The following NRG1 variants were observed in gnomAD, a reference collection of about 807,000 sequenced individuals.
NRG1 encodes the protein pro-neuregulin-1, membrane-bound isoform.
NRG1 carries 18 observed loss-of-function variants against 63.8 expected under a neutral mutation model. The ratio of observed to expected loss-of-function variants is 0.28; its 90% CI spans 0.19 to 0.42. The LOEUF (loss-of-function observed/expected upper bound fraction) is 0.42, where lower values mean the gene tolerates loss of function less well. Among genes scored for constraint, NRG1 ranks in the 10% least tolerant of loss-of-function variants. The pLI is 1.00. For missense variants in NRG1, 762 were observed against 814.7 expected (o/e 0.94, Z 0.79); for synonymous variants, 302 against 301.3 (o/e 1.00, Z -0.02).
chr8:32,461,512 A>G (rs1476169793), intron 1 of NRG1, among the ~76,000 whole-genome samples: 1 of 152,098 alleles, frequency 6.6e-6, no homozygotes, highest in African/African-American at 2.4e-5. Context: ...CAGCTTTGCC[A>G]ACATGGAGAA....
intron 5 of NRG1, among the ~76,000 whole-genome samples, chr8:32,673,128 C>A (rs148564697): frequency 6.6e-6 from 1 of 152,242 alleles, no homozygotes; most frequent in East Asian, 1.9e-4. Context: ...CACCACAAAG[C>A]GAGTTATTTT....
chr8:32,602,624 T>A (rs1844576083), intron 2 of NRG1, among the ~76,000 whole-genome samples: 1 of 152,160 alleles, frequency 6.6e-6, no homozygotes, highest in Non-Finnish European at 1.5e-5. Flanking sequence ...GTTTTCTTAC[T>A]TTAGAAATTT....
intron 1 of NRG1, among the ~76,000 whole-genome samples, chr8:32,021,714 C>G (rs75016101): frequency 5.3e-5 from 2 of 37,828 alleles, no homozygotes; most frequent in South Asian, 2.9e-3. Context: ...AAAAATGTAT[C>G]TATCAATCTT....
intron 1 of NRG1, among the ~76,000 whole-genome samples, chr8:32,284,485 GCCTGCCTTCCTTCCTTCCTTCCTT>G (rs1355339480): frequency 1.0e-4 from 12 of 116,046 alleles, no homozygotes; most frequent in Non-Finnish European, 1.6e-4. Context: ...CTCCCTGCCT[GCCTGCCTTCCTTCCTTCCTTCCTT>G]CCTTCCTTCC....
chr8:31,680,594 CA>C (rs1462398638), intron 1 of NRG1, among the ~76,000 whole-genome samples: 2 of 148,316 alleles, frequency 1.3e-5, no homozygotes, highest in African/African-American at 5.0e-5. Flanking sequence ...AGTGCCACAA[CA>C]AACATACGTG....
intron 1 of NRG1, among the ~76,000 whole-genome samples, chr8:32,490,509 G>A (rs145746654): frequency 6.6e-6 from 1 of 152,164 alleles, no homozygotes; most frequent in Non-Finnish European, 1.5e-5. Context: ...TCATGAAGTG[G>A]GTGATAGTTG....
intron 1 of NRG1, among the ~76,000 whole-genome samples, chr8:31,651,483 G>C (rs1053345135): frequency 6.6e-6 from 1 of 152,182 alleles, no homozygotes; most frequent in African/African-American, 2.4e-5. Context: ...TGCTGAAATG[G>C]ATGAGGTCAG....
chr8:32,320,543 G>A (rs1443412854), intron 1 of NRG1, among the ~76,000 whole-genome samples: 1 of 152,184 alleles, frequency 6.6e-6, no homozygotes, highest in Non-Finnish European at 1.5e-5. Context: ...AATGACTGAA[G>A]CAAGAGGAAG....
chr8:32,581,304 C>T (rs1411268907), intron 1 of NRG1, among the ~76,000 whole-genome samples: 2 of 152,134 alleles, frequency 1.3e-5, no homozygotes, highest in African/African-American at 2.4e-5. Context: ...GAATATAGAG[C>T]GTTCTAATGT....
intron 1 of NRG1, among the ~76,000 whole-genome samples, chr8:32,365,979 T>G (rs188047176): frequency 3.9e-5 from 6 of 152,334 alleles, no homozygotes; most frequent in African/African-American, 1.2e-4. Flanking sequence ...AGGCTGGGTA[T>G]GACACTAATT....
chr8:32,028,951 A>G (rs1308875397), intron 1 of NRG1, among the ~76,000 whole-genome samples: 1 of 152,154 alleles, frequency 6.6e-6, no homozygotes, highest in African/African-American at 2.4e-5. Context: ...TTGTAGCAGG[A>G]TTCATAATTT....
chr8:32,145,498 C>A (rs993831100), intron 1 of NRG1, among the ~76,000 whole-genome samples: 7 of 152,180 alleles, frequency 4.6e-5, no homozygotes, highest in Non-Finnish European at 8.8e-5. Context: ...TTCTGTGATG[C>A]CTGCTGGCCA....
At chr8:32,187,885 G>T (rs1366967297) in intron 1 of NRG1, among the ~76,000 whole-genome samples, 1 of 152,152 alleles carries the variant, frequency 6.6e-6, no homozygotes, top group East Asian at 1.9e-4. Flanking sequence ...TGCACTTGGG[G>T]CAACATGCTC....
chr8:32,416,537 T>C (rs1196839891), intron 1 of NRG1, among the ~76,000 whole-genome samples: 2 of 152,194 alleles, frequency 1.3e-5, no homozygotes, highest in African/African-American at 4.8e-5. Flanking sequence ...GAATCAGCAT[T>C]ACTTGACCCG....
At chr8:32,290,362 T>G (rs9642725) in intron 1 of NRG1, among the ~76,000 whole-genome samples, 59,936 of 151,754 alleles carry the variant, frequency 0.39, 12,127 homozygotes, top group East Asian at 0.62. Context: ...TACATATATA[T>G]AGAGAGAGGG....
At chr8:32,115,040 T>C (rs1165924926) in intron 1 of NRG1, among the ~76,000 whole-genome samples, 2 of 152,084 alleles carry the variant, frequency 1.3e-5, no homozygotes, top group African/African-American at 4.8e-5. Flanking sequence ...TTATAACTTT[T>C]TTTTTTTTCA....
At chr8:32,595,232 C>T (rs554326375) in intron 1 of NRG1, among the ~76,000 whole-genome samples, 3 of 152,044 alleles carry the variant, frequency 2.0e-5, no homozygotes, top group South Asian at 4.2e-4. Flanking sequence ...CTCTGTCACC[C>T]AGGCTGAAGT....
At chr8:32,749,405 C>A in intron 7 of NRG1, 1 of 766,482 alleles carries the variant, frequency 1.3e-6, no homozygotes, top group Non-Finnish European at 2.3e-6. Context: ...CGTACCTGAG[C>A]ACTGCTTCTT....
chr8:32,370,826 C>A (rs1305985330), intron 1 of NRG1, among the ~76,000 whole-genome samples: 9 of 133,226 alleles, frequency 6.8e-5, no homozygotes, highest in African/African-American at 2.3e-4. Context: ...CTGCTGCACT[C>A]CAGCCAGGAT....
Sources: allele counts gnomAD v4.1 joint callset (sites outside exome capture counted in the v4.1 genomes callset), GRCh38; gene constraint gnomAD v4.1.1; transcripts MANE v1.5; gene names NCBI Gene and HGNC (gene_info 2026-07-23, HGNC 2026-07-21).